ERICH3: variants seen among roughly 807,000 people sequenced by gnomAD.
ERICH3 encodes the protein glutamate rich 3, also known as glutamate-rich protein 3.
Under a neutral mutation model 131.1 loss-of-function variants are expected in ERICH3, and 126 were observed. The observed-to-expected ratio is 0.96, with a 90% confidence interval of 0.83 to 1.11. ERICH3 has a LOEUF of 1.11. Among genes scored for constraint, ERICH3 ranks in the 50% most tolerant of loss-of-function variants. ERICH3 has a pLI of 0.00. For missense variants in ERICH3, 2,050 were observed against 1,810.7 expected, an observed-to-expected ratio of 1.13 and a Z score of -2.40; for synonymous variants, 695 against 644.6, an observed-to-expected ratio of 1.08 and a Z score of -1.18.
In ERICH3 at chr1:74,631,823, G is replaced by T. The variant is rs1646341404; in HGVS notation, c.709C>A (p.Pro237Thr). Reference sequence around the variant, plus strand: ...GTGATTTTCCCAGTTGGGGGAAGTGGAGGAGGAATAGGCATCATGTAACTG... The same window carrying T: ...GTGATTTTCCCAGTTGGGGGAAGTGTAGGAGGAATAGGCATCATGTAACTG... ...INSYMMPIPPPLPPTGKITRE... is the reference protein window; with the variant it reads ...INSYMMPIPPTLPPTGKITRE... Residue 237 changes from proline (P) to threonine (T), a missense_variant, in exon 7 of 15, where the codon CCA becomes ACA. Physicochemically the swap from Pro to Thr is conservative, Grantham distance 38. Transcript: ENST00000326665. 1 of 1,613,412 alleles carries T rather than the reference G, an allele frequency of 6.2e-7. No individual in the cohort carries two copies. The highest frequency in any genetic ancestry group is 8.5e-7 in the Non-Finnish European group (1 of 1,179,484).
chr1:74,571,107 A>G lies in ERICH3; in HGVS notation c.*10T>C, dbSNP rs1646934095. On this transcript the variant is annotated 3_prime_UTR_variant, in exon 14 of 15. Transcript: ENST00000326665. ...ATTACGCTTAAACTCACTGTCTGCC[A>G]GCAAGTCTCCTAGACCTGCACGTTG... 6.2e-7 allele frequency: 1 copy of G among 1,607,852 alleles called. No homozygotes were observed. The highest frequency in any genetic ancestry group is 8.5e-7 in the Non-Finnish European group (1 of 1,176,506).
intron 1 of ERICH3, among the ~76,000 whole-genome samples, chr1:74,656,361 A>T (rs1377319663): frequency 6.6e-6 from 1 of 152,104 alleles, no homozygotes; most frequent in Non-Finnish European, 1.5e-5. Flanking sequence ...AACTGGCCCC[A>T]TCACAAGATA....
rs1444191654 is a variant in ERICH3, at chr1:74,572,145, CTG to C, written c.3563_3564del (p.Thr1188ArgfsTer14). 6.2e-7 allele frequency: 1 copy of C among 1,614,116 alleles called. No homozygotes were observed. The highest frequency in any genetic ancestry group is 1.1e-5 in the South Asian group (1 of 91,076). ...GGERLSEARD[T>X]EHKDREELSS... ...GACAGCTCTTCTCTGTCTTTGTGCT[CTG>C]TGTCTCTGGCTTCACTCAGTCTTTC... On this transcript the variant is annotated frameshift_variant, in exon 14 of 15. Coordinates refer to ENST00000326665, the MANE Select transcript of ERICH3 (RefSeq NM_001002912.5). LOFTEE classifies it high-confidence loss of function.
intron 8 of ERICH3, among the ~76,000 whole-genome samples, chr1:74,619,767 G>C (rs750848588): frequency 7.9e-5 from 12 of 152,300 alleles, no homozygotes; most frequent in Admixed American, 6.5e-4. Context: ...GAAAAAAACA[G>C]TTTCTGACAT....
intron 1 of ERICH3, among the ~76,000 whole-genome samples, chr1:74,670,028 A>G (rs1474602343): frequency 6.6e-6 from 1 of 152,238 alleles, no homozygotes; most frequent in South Asian, 2.1e-4. Context: ...TCCAAATGGT[A>G]ACATAAGCAA....
At chr1:74,604,949 A>G (rs559898638) in intron 10 of ERICH3, among the ~76,000 whole-genome samples, 96 of 151,982 alleles carry the variant, frequency 6.3e-4, no homozygotes, top group African/African-American at 2.3e-3. Context: ...TCAGGTGTTG[A>G]CTTCTCCTTT....
chr1:74,599,875 C>G lies in ERICH3; in HGVS notation c.1546G>C (p.Glu516Gln), dbSNP rs746721997. 1 of 1,612,120 alleles carries G rather than the reference C, an allele frequency of 6.2e-7. No homozygotes were observed. The highest frequency in any genetic ancestry group is 1.7e-5 in the Admixed American group (1 of 59,768). ...EEKQGEKSNE[E>Q]GQADVQMNGI... is the part of the protein sequence containing the mutation. ...TTCATTTGAACATCAGCCTGTCCTT[C>G]TTCATTAGATTTTTCACCTTGTTTC... is the stretch of plus-strand genomic sequence containing the variant. The change falls in exon 11 of 15, where the codon GAA (glutamate) becomes CAA (glutamine). Residue 516 changes from glutamate (E) to glutamine (Q), a missense_variant. Transcript: ENST00000326665.
intron 11 of ERICH3, 134 bp downstream of exon 11, chr1:74,599,561 C>T (rs1358982602): frequency 3.9e-6 from 3 of 762,606 alleles, no homozygotes; most frequent in Admixed American, 5.2e-5. Flanking sequence ...TTCACATGTA[C>T]CCCTTATTTA....
In ERICH3 at chr1:74,606,665, C is replaced by T. The variant is rs1250600335; in HGVS notation, c.1425G>A (p.Met475Ile). The change falls in exon 10 of 15, where the codon ATG (methionine) becomes ATA (isoleucine). Residue 475 changes from methionine to isoleucine, a missense_variant. Physicochemically the swap from Met to Ile is conservative, Grantham distance 10. Coordinates refer to ENST00000326665, the MANE Select transcript of ERICH3 (RefSeq NM_001002912.5). Reference protein sequence around the residue: ...LKEVVTAVEEMTSKGKPGQEV... With the variant: ...LKEVVTAVEEITSKGKPGQEV... ...CTTGTCCTGGTTTTCCTTTACTTGT[C>T]ATTTCCTCCACAGCAGTTACCACTT... The T allele has an allele frequency of 1.2e-6, 2 of 1,613,018 alleles. No homozygotes were observed. Among genetic ancestry groups the T allele is most frequent in the Admixed American group, 1.7e-5 (1 of 59,868 alleles).
Position 74,646,653 on chromosome 1 carries a change from G to T in ERICH3, c.243+14C>A. ...AAAAATAAAATAAAATAAAAAATAA[G>T]TATATATTTTTACCTCCATATCAAG... is the stretch of plus-strand genomic sequence containing the variant. On this transcript the variant is annotated intron_variant, in intron 3 of 14. Coordinates refer to ENST00000326665, the MANE Select transcript of ERICH3 (RefSeq NM_001002912.5). 8.2e-7 allele frequency: 1 copy of T among 1,222,942 alleles called. No homozygotes were observed. Among genetic ancestry groups the T allele is most frequent in the Non-Finnish European group, 1.1e-6 (1 of 900,720 alleles). The allele number at this position is 1,222,942 out of a possible 1,614,324, so 75.8% of individuals were successfully genotyped here.
In ERICH3 at chr1:74,641,572, C is replaced by A; in HGVS notation, c.316-113G>T. 4 of 1,265,420 alleles carry A rather than the reference C, an allele frequency of 3.2e-6. No individual in the cohort carries two copies. In the South Asian group the frequency reaches 5.5e-5, roughly 17 times the overall value. 78.4% of individuals were successfully genotyped at this position (1,265,420 alleles called of 1,614,324 possible). A position where few individuals can be genotyped will look rare whatever the true frequency, so the allele number is the denominator to read the frequency against. ...TAAAGAAATTCTTTCTCATTTCTTCCAAGAGTTACTTTTGTTAAGGAGTTA... is the reference window on the plus strand; with the variant it reads ...TAAAGAAATTCTTTCTCATTTCTTCAAAGAGTTACTTTTGTTAAGGAGTTA... On this transcript the variant is annotated intron_variant, in intron 4 of 14. Transcript: ENST00000326665.
At chr1:74,575,701 T>G (rs1372778777) in intron 13 of ERICH3, among the ~76,000 whole-genome samples, 1 of 152,200 alleles carries the variant, frequency 6.6e-6, no homozygotes, top group Non-Finnish European at 1.5e-5. Context: ...GGTTTCTAAA[T>G]TTATGGATTA....
At chr1:74,604,720 C>T (rs766231116) in intron 10 of ERICH3, among the ~76,000 whole-genome samples, 3 of 151,868 alleles carry the variant, frequency 2.0e-5, no homozygotes, top group Non-Finnish European at 4.4e-5. Flanking sequence ...TAGGTCTCAA[C>T]AGTGGGCTGA....
chr1:74,625,126 T>G (rs1331033231), intron 7 of ERICH3: 2 of 152,144 alleles, frequency 1.3e-5, no homozygotes, highest in African/African-American at 4.8e-5. Flanking sequence ...GCATGTGGTG[T>G]GTCCCCTCCT....
intron 12 of ERICH3, among the ~76,000 whole-genome samples, chr1:74,578,931 A>T (rs1647126939): frequency 6.6e-6 from 1 of 152,188 alleles, no homozygotes; most frequent in African/African-American, 2.4e-5. Context: ...CGACAAACAG[A>T]AATGAAAAAG....
In ERICH3 at chr1:74,571,179, G is replaced by A. The variant is rs375400549; in HGVS notation, c.4531C>T (p.Gln1511Ter). The change falls in exon 14 of 15, where the codon CAG (glutamine) becomes TAG (stop). Residue 1511 changes from glutamine (Q) to a stop codon, truncating the protein, a stop_gained. Transcript: ENST00000326665. LOFTEE classifies it low-confidence loss of function (END_TRUNC). ...TCGCTTTCTCCTTGCACCATATGCT[G>A]TTGCTTCTCTCGGGTTTCAGTGAAA... ...PDFTETREKQQHMVQGESETA... is the reference protein window; with the variant it reads ...PDFTETREKQ 1 of 1,614,108 alleles carries A rather than the reference G, an allele frequency of 6.2e-7. No individual in the cohort carries two copies. Among genetic ancestry groups the A allele is most frequent in the Non-Finnish European group, 8.5e-7 (1 of 1,180,012 alleles).
chr1:74,631,257 C>T (rs1433992426), intron 7 of ERICH3, among the ~76,000 whole-genome samples: 3 of 152,056 alleles, frequency 2.0e-5, no homozygotes, highest in East Asian at 1.9e-4. Flanking sequence ...ATCAGTACAA[C>T]AAACTGTAAT....
At chr1:74,658,719 C>T (rs1646610662) in intron 1 of ERICH3, among the ~76,000 whole-genome samples, 1 of 152,084 alleles carries the variant, frequency 6.6e-6, no homozygotes, top group Non-Finnish European at 1.5e-5. Flanking sequence ...TGTTTCTAAC[C>T]ATTTTTGAGA....
chr1:74,580,236 G>A (rs1159843356), intron 12 of ERICH3, among the ~76,000 whole-genome samples: 1 of 151,812 alleles, frequency 6.6e-6, no homozygotes. Flanking sequence ...TATTAATTTA[G>A]CAATATATTG....
Sources: gnomAD v4.1 joint callset for allele counts (sites outside exome capture counted in the v4.1 genomes callset) on GRCh38, gnomAD v4.1.1 for gene constraint, MANE v1.5 for transcripts, NCBI Gene and HGNC (gene_info 2026-07-23, HGNC 2026-07-21) for gene names.